The following PTGER3 variants were observed in gnomAD, a reference collection of about 807,000 sequenced individuals.
PTGER3 encodes prostaglandin E receptor 3.
Under a neutral mutation model 34.7 loss-of-function variants are expected in PTGER3, and 22 were observed. The observed-to-expected ratio is 0.63, with a 90% CI of 0.45 to 0.91. The LOEUF is 0.91. PTGER3 is among the 40% of genes least tolerant of loss of function. The pLI is 0.00. For synonymous variants in PTGER3, 241 were observed against 230.1 expected, an observed-to-expected ratio of 1.05 and a Z score of -0.43; for missense variants, 468 against 519.4, an observed-to-expected ratio of 0.90 and a Z score of 0.96.
At chr1:71,031,260 AC>A (rs1279285599) in intron 1 of PTGER3, among the ~76,000 whole-genome samples, 2 of 151,454 alleles carry the variant, frequency 1.3e-5, no homozygotes, top group East Asian at 3.9e-4. Context: ...ACACACACAC[AC>A]ACACACACAC....
chr1:70,961,333 C>G (rs1485437514), intron 2 of PTGER3, among the ~76,000 whole-genome samples: 2 of 152,182 alleles, frequency 1.3e-5, no homozygotes, highest in Non-Finnish European at 2.9e-5. Flanking sequence ...CACTTGGTTT[C>G]AGTGAATTTT....
intron 4 of PTGER3, among the ~76,000 whole-genome samples, chr1:70,891,403 G>A (rs1007911164): frequency 3.9e-5 from 6 of 152,130 alleles, no homozygotes; most frequent in African/African-American, 1.4e-4. Context: ...TATTAATGAA[G>A]CAGCTAGAAA....
rs377563670 is a variant in PTGER3, at chr1:70,934,122, A to G, written c.*23+19641T>C. ...GCTAATCTCTTCACAATATATTCTT[A>G]TTTAATTATCTTGACAATATTGTAA... On this transcript the variant is annotated intron_variant, in intron 4 of 4. Coordinates refer to the PTGER3 transcript ENST00000370931. Among the ~76,000 whole-genome samples the G allele has an allele frequency of 2.0e-3, 312 of 152,268 alleles. 1 individual carries two copies. The highest frequency in any genetic ancestry group is 7.0e-3 in the African/African-American group (293 of 41,562).
chr1:70,888,616 A>G (rs1646547778), intron 4 of PTGER3, among the ~76,000 whole-genome samples: 1 of 152,152 alleles, frequency 6.6e-6, no homozygotes, highest in South Asian at 2.1e-4. Context: ...TATTTATCCT[A>G]CATAACAGCA....
chr1:70,951,040 C>T (rs1001160466), downstream of PTGER3: 3 of 152,142 alleles, frequency 2.0e-5, no homozygotes, highest in African/African-American at 7.2e-5. Flanking sequence ...TTTAAATTTG[C>T]TTCCTTTGTA....
intron 2 of PTGER3, among the ~76,000 whole-genome samples, chr1:70,954,986 G>T (rs116165856): frequency 0.018 from 2,736 of 152,216 alleles, 84 homozygotes; most frequent in African/African-American, 0.063. Context: ...GAAGCGAATA[G>T]GGAAGGAAGC....
chr1:70,890,912 G>A (rs1646603112), intron 4 of PTGER3, among the ~76,000 whole-genome samples: 3 of 152,142 alleles, frequency 2.0e-5, no homozygotes, highest in Non-Finnish European at 4.4e-5. Flanking sequence ...AGGAATTTTT[G>A]TTTGTTTTGT....
intron 4 of PTGER3, among the ~76,000 whole-genome samples, chr1:70,897,209 T>C (rs967417372): frequency 3.3e-5 from 5 of 152,156 alleles, no homozygotes; most frequent in Admixed American, 1.3e-4. Context: ...AGGTATGTTT[T>C]ATCTGATTAT....
At chr1:70,983,653 A>G (rs569858370) in intron 2 of PTGER3, among the ~76,000 whole-genome samples, 40 of 152,226 alleles carry the variant, frequency 2.6e-4, no homozygotes, top group African/African-American at 9.1e-4. Context: ...TTTTTCTTTA[A>G]GCCTGGTGAT....
At chr1:71,040,352 A>G (rs1053306896) in intron 1 of PTGER3, among the ~76,000 whole-genome samples, 1 of 152,154 alleles carries the variant, frequency 6.6e-6, no homozygotes, top group Non-Finnish European at 1.5e-5. Flanking sequence ...GTAATGCCAC[A>G]GCACTTTGGG....
chr1:70,880,142 G>C (rs535634858), intron 4 of PTGER3, among the ~76,000 whole-genome samples: 6 of 152,070 alleles, frequency 3.9e-5, no homozygotes, highest in African/African-American at 1.4e-4. Flanking sequence ...ATTGTTAGCT[G>C]GTTATTATGC....
chr1:71,021,115 T>C (rs773157863), intron 1 of PTGER3, among the ~76,000 whole-genome samples: 1 of 152,182 alleles, frequency 6.6e-6, no homozygotes, highest in Non-Finnish European at 1.5e-5. Context: ...GAATTGTGTC[T>C]ATATTGCTTG....
At chr1:70,869,759 A>T (rs1646123898) in intron 4 of PTGER3, among the ~76,000 whole-genome samples, 1 of 152,206 alleles carries the variant, frequency 6.6e-6, no homozygotes, top group Non-Finnish European at 1.5e-5. Flanking sequence ...TATGCTGGAC[A>T]CAGTGGTGCA....
At chr1:70,943,837 G>C (rs575920759) in intron 4 of PTGER3, among the ~76,000 whole-genome samples, 2 of 111,860 alleles carry the variant, frequency 1.8e-5, no homozygotes, top group East Asian at 2.9e-4. Flanking sequence ...ATGTGAAAAG[G>C]GAGAGAGAGG....
At chr1:70,929,454 CACTT>C (rs1442367748) in intron 4 of PTGER3, among the ~76,000 whole-genome samples, 1 of 152,072 alleles carries the variant, frequency 6.6e-6, no homozygotes, top group Non-Finnish European at 1.5e-5. Flanking sequence ...ATGACTGAAA[CACTT>C]AGTAAAATAT....
chr1:70,905,012 T>C (rs1448377035), intron 4 of PTGER3, among the ~76,000 whole-genome samples: 1 of 152,102 alleles, frequency 6.6e-6, no homozygotes, highest in African/African-American at 2.4e-5. Flanking sequence ...CCTAGGGACT[T>C]GGTGCCCTGT....
At chr1:70,944,126 GA>G (rs1395957210) in intron 4 of PTGER3, among the ~76,000 whole-genome samples, 2 of 152,016 alleles carry the variant, frequency 1.3e-5, no homozygotes, top group Non-Finnish European at 2.9e-5. Flanking sequence ...ATTCTTCCTT[GA>G]TGCTAGTAAT....
chr1:70,927,079 TTGCCAGTA>T (rs575022623), intron 4 of PTGER3, among the ~76,000 whole-genome samples: 36 of 152,392 alleles, frequency 2.4e-4, no homozygotes, highest in Non-Finnish European at 4.6e-4. Flanking sequence ...TGGATTCAGT[TTGCCAGTA>T]TTTTATTGGG....
intron 2 of PTGER3, chr1:71,010,296 T>G: frequency 2.0e-6 from 2 of 984,726 alleles, no homozygotes; most frequent in Non-Finnish European, 2.4e-6. Context: ...TTCATATTTC[T>G]GTAATTAAAT....
Sources: allele counts gnomAD v4.1 joint callset (sites outside exome capture counted in the v4.1 genomes callset), GRCh38; gene constraint gnomAD v4.1.1; transcripts MANE v1.5; gene names NCBI Gene and HGNC (gene_info 2026-07-23, HGNC 2026-07-21).